Variants in TMEM80 observed in about 807,000 individuals in gnomAD.
TMEM80 encodes the protein transmembrane protein 80.
A neutral mutation model predicts 13.6 loss-of-function variants in TMEM80; 16 were observed. The ratio of observed to expected loss-of-function variants is 1.17; its 90% CI spans 0.79 to 1.78. TMEM80 has a LOEUF of 1.78. Among genes scored for constraint, TMEM80 ranks in the 40% most tolerant of loss-of-function variants. The probability of loss-of-function intolerance (pLI) is 0.00; values close to 1 mark genes in which losing one functional copy is unlikely to be tolerated. For missense variants in TMEM80, 167 were observed against 184.6 expected (o/e 0.90, Z 0.55); for synonymous variants, 92 against 89.5 (o/e 1.03, Z -0.16).
In TMEM80 at chr11:700,152, T is replaced by G; in HGVS notation, c.50T>G (p.Val17Gly). The change falls in exon 3 of 5, where the codon GTT (valine) becomes GGT (glycine). Residue 17 changes from valine (V) to glycine (G), a missense_variant. Val to Gly is a moderately radical substitution (Grantham distance 109, BLOSUM62 -3). Transcript: ENST00000397510. ...TTAACCACTCACCAGCTCTCTTCAG[T>G]TCCCCTTCAAATGCTGTTTTATCTC... ...GRGSSTVLSS[V>G]PLQMLFYLSG... The G allele has an allele frequency of 6.2e-7, 1 of 1,614,114 alleles. No individual in the cohort carries two copies. The highest frequency in any genetic ancestry group is 8.5e-7 in the Non-Finnish European group (1 of 1,179,970).
intron 2 of TMEM80, 60 bp from the exon 3 acceptor site, chr11:700,082 A>T: frequency 1.4e-6 from 2 of 1,450,000 alleles, no homozygotes; most frequent in Non-Finnish European, 1.9e-6. Flanking sequence ...CCTCTTGTTC[A>T]GCCACCTGGG....
chr11:698,976 C>T (rs1861324189), intron 2 of TMEM80, 88 bp downstream of exon 2: 2 of 1,532,748 alleles, frequency 1.3e-6, no homozygotes, highest in Admixed American at 1.7e-5. Flanking sequence ...CCACGTTTTC[C>T]CTAAGTTCTG....
intron 1 of TMEM80, 65 bp from the exon 2 acceptor site, chr11:698,804 G>T: frequency 1.3e-6 from 2 of 1,593,904 alleles, no homozygotes; most frequent in Non-Finnish European, 1.7e-6. Context: ...TGTCAGTGTG[G>T]AGCGAGACCC....
intron 1 of TMEM80, 30 bp downstream of exon 1, chr11:695,876 G>T: frequency 8.2e-7 from 1 of 1,223,350 alleles, no homozygotes; most frequent in Non-Finnish European, 1.0e-6. Flanking sequence ...GGGCTTCCGG[G>T]CTTGCAGCGG....
chr11:704,007 G>T lies in TMEM80; in HGVS notation c.*857G>T. 1 of 1,213,126 alleles carries T rather than the reference G, an allele frequency of 8.2e-7. No individual in the cohort carries two copies. The highest frequency in any genetic ancestry group is 1.0e-6 in the Non-Finnish European group (1 of 975,168). The allele number at this position is 1,213,126 out of a possible 1,614,324, so 75.1% of individuals were successfully genotyped here. A position where few individuals can be genotyped will look rare whatever the true frequency, so the allele number is the denominator to read the frequency against. ...CTTAAAAAGTATCTAAGCTGTTACAGTAGCTTTCCCTTCACTTGATTCTAT... is the reference window on the plus strand; with the variant it reads ...CTTAAAAAGTATCTAAGCTGTTACATTAGCTTTCCCTTCACTTGATTCTAT... On this transcript the variant is annotated 3_prime_UTR_variant, in exon 5 of 5. Coordinates refer to ENST00000397510, the MANE Select transcript of TMEM80 (RefSeq NM_001042463.3).
intron 2 of TMEM80, 197 bp from the exon 3 acceptor site, chr11:699,945 T>C (rs1405687683): frequency 3.6e-6 from 2 of 563,260 alleles, no homozygotes; most frequent in Non-Finnish European, 6.4e-6. Context: ...CACAAAGGCC[T>C]TGTCAGCTCA....
intron 4 of TMEM80, among the ~76,000 whole-genome samples, chr11:701,298 GC>G (rs1401141359): frequency 2.0e-5 from 3 of 151,736 alleles, no homozygotes; most frequent in East Asian, 1.9e-4. Flanking sequence ...TCCTGCCTCA[GC>G]CCTCCCCTCC....
chr11:696,591 C>G (rs1192200808), intron 1 of TMEM80, among the ~76,000 whole-genome samples: 1 of 151,826 alleles, frequency 6.6e-6, no homozygotes, highest in Non-Finnish European at 1.5e-5. Context: ...ATAGCAAGAC[C>G]CCCTCTATAA....
In TMEM80 at chr11:703,804, T is replaced by C; in HGVS notation, c.*654T>C. Reference sequence around the variant, plus strand: ...TAGCCACACTTCTCCCTTCAGGGGCTTCGGAGGAGAGGTCAGGGCTAAGGC... The same window carrying C: ...TAGCCACACTTCTCCCTTCAGGGGCCTCGGAGGAGAGGTCAGGGCTAAGGC... On this transcript the variant is annotated 3_prime_UTR_variant, in exon 5 of 5. Coordinates refer to ENST00000397510, the MANE Select transcript of TMEM80 (RefSeq NM_001042463.3). 2 of 1,233,130 alleles carry C rather than the reference T, an allele frequency of 1.6e-6. No individual in the cohort carries two copies. The highest frequency in any genetic ancestry group is 2.0e-6 in the Non-Finnish European group (2 of 989,070). The allele number at this position is 1,233,130 out of a possible 1,614,324, so 76.4% of individuals were successfully genotyped here.
In TMEM80 at chr11:703,123, G is replaced by T. The variant is rs780712996; in HGVS notation, c.405G>T (p.Val135=). 1.2e-6 allele frequency: 2 copies of T among 1,609,130 alleles called. No homozygotes were observed. The highest frequency in any genetic ancestry group is 1.7e-6 in the Non-Finnish European group (2 of 1,177,268). The stretch of plus-strand genomic sequence containing the variant: ...ACGGCCTGGAGGCCGTCCTGCAGGT[G>T]GTTGCCATCGCGGCCTTCACCAGGT... The part of the protein sequence containing the change: ...ALHGLEAVLQ[V]VAIAAFTR Residue 135 remains valine (V), a synonymous_variant, in exon 5 of 5, where the codon GTG becomes GTT. Coordinates refer to ENST00000397510, the MANE Select transcript of TMEM80 (RefSeq NM_001042463.3).
chr11:703,175 A>T lies in TMEM80; in HGVS notation c.*25A>T. 6.3e-7 allele frequency: 1 copy of T among 1,582,656 alleles called. No individual in the cohort carries two copies. The highest frequency in any genetic ancestry group is 2.3e-5 in the East Asian group (1 of 43,748). ...GCTACGGACACCCGGGATACCCCAC[A>T]CTGGGGCCCTCCTCCTGGGCCTGAC... On this transcript the variant is annotated 3_prime_UTR_variant, in exon 5 of 5. Coordinates refer to ENST00000397510, the MANE Select transcript of TMEM80 (RefSeq NM_001042463.3).
rs777235039 is a variant in TMEM80, at chr11:700,236, GT to G, written c.133+2del. 6.2e-7 allele frequency: 1 copy of G among 1,613,090 alleles called. No homozygotes were observed. ...ACGCTCCTGATGATCACGTATAAAAGTAAGTCAGGGACGGGCACAGTGGCTC... is the reference window on the plus strand; with the variant it reads ...ACGCTCCTGATGATCACGTATAAAAGAAGTCAGGGACGGGCACAGTGGCTC... On this transcript the variant is annotated splice_donor_variant, in intron 3 of 4. Coordinates refer to ENST00000397510, the MANE Select transcript of TMEM80 (RefSeq NM_001042463.3). LOFTEE classifies it high-confidence loss of function.
At chr11:702,839 A>G (rs931669383) in intron 4 of TMEM80, 106 bp from the exon 5 acceptor site, 2 of 1,113,260 alleles carry the variant, frequency 1.8e-6, no homozygotes, top group Middle Eastern at 6.2e-4. Context: ...GGAGGAACGT[A>G]GGGCAAGGAG....
At position 703,456 on chromosome 11, in the gene TMEM80, C is replaced by T; in HGVS notation, c.*306C>T. ...TGGGGTCTGGCTTTAGCAGCCAGGC[C>T]TCCACAGACCCCCATGGGCCCCCAG... On this transcript the variant is annotated 3_prime_UTR_variant, in exon 5 of 5. Transcript: ENST00000397510. 7.9e-7 allele frequency: 1 copy of T among 1,272,020 alleles called. No individual in the cohort carries two copies. 78.8% of individuals were successfully genotyped at this position (1,272,020 alleles called of 1,614,324 possible).
In TMEM80 at chr11:695,858, CG is replaced by C; in HGVS notation, c.19+16del. 1 of 1,228,182 alleles carries C rather than the reference CG, an allele frequency of 8.1e-7. No individual in the cohort carries two copies. The highest frequency in any genetic ancestry group is 4.0e-5 in the South Asian group (1 of 24,768). The allele number at this position is 1,228,182 out of a possible 1,614,324, so 76.1% of individuals were successfully genotyped here. ...GGCCCCGCGGCGAGGTGAGCTCGGGCGGGGTGGGGGCTTCCGGGCTTGCAGC... is the reference window on the plus strand; with the variant it reads ...GGCCCCGCGGCGAGGTGAGCTCGGGCGGGTGGGGGCTTCCGGGCTTGCAGC... On this transcript the variant is annotated intron_variant, in intron 1 of 4. Transcript: ENST00000397510.
intron 1 of TMEM80, among the ~76,000 whole-genome samples, chr11:696,870 G>C (rs549341920): frequency 1.9e-4 from 29 of 149,542 alleles, no homozygotes; most frequent in Non-Finnish European, 8.9e-5. Flanking sequence ...ACCTGAGGTC[G>C]AGGGTTCAAG....
At chr11:704,525 C>G (rs954232110), downstream of TMEM80, 9 of 1,289,324 alleles carry the variant, frequency 7.0e-6, no homozygotes, top group Admixed American at 2.1e-4. Flanking sequence ...CCCTCACCAG[C>G]GCCTGCACTC....
chr11:703,432 G>A lies in TMEM80; in HGVS notation c.*282G>A, dbSNP rs1683912637. ...GGAGCGCACACTCAGCCCTGTCAGTGGGGTCTGGCTTTAGCAGCCAGGCCT... is the reference window on the plus strand; with the variant it reads ...GGAGCGCACACTCAGCCCTGTCAGTAGGGTCTGGCTTTAGCAGCCAGGCCT... On this transcript the variant is annotated 3_prime_UTR_variant, in exon 5 of 5. Coordinates refer to ENST00000397510, the MANE Select transcript of TMEM80 (RefSeq NM_001042463.3). 1 of 1,301,318 alleles carries A rather than the reference G, an allele frequency of 7.7e-7. No homozygotes were observed. 80.6% of individuals were successfully genotyped at this position (1,301,318 alleles called of 1,614,324 possible). A position where few individuals can be genotyped will look rare whatever the true frequency, so the allele number is the denominator to read the frequency against.
intron 4 of TMEM80, 188 bp downstream of exon 4, chr11:700,895 G>A: frequency 1.6e-6 from 1 of 635,926 alleles, no homozygotes; most frequent in Non-Finnish European, 2.8e-6. Context: ...TTGTCCCAGA[G>A]ACAAATAACA....
Sources: gnomAD v4.1 joint callset for allele counts (sites outside exome capture counted in the v4.1 genomes callset) on GRCh38, gnomAD v4.1.1 for gene constraint, MANE v1.5 for transcripts, NCBI Gene and HGNC (gene_info 2026-07-23, HGNC 2026-07-21) for gene names.